Variants in ELL2 observed in about 807,000 individuals in gnomAD.
ELL2 encodes elongation factor for RNA polymerase II 2.
A neutral mutation model predicts 72.8 loss-of-function variants in ELL2; 21 were observed. That is an observed-to-expected ratio of 0.29 (90% confidence interval 0.20 to 0.42). The LOEUF (loss-of-function observed/expected upper bound fraction) is 0.42. Ranked by LOEUF, ELL2 falls within the 10% of genes least tolerant of loss-of-function variation. ELL2 has a pLI of 1.00. For synonymous variants in ELL2, 266 were observed against 283.2 expected (o/e 0.94, Z 0.61); for missense variants, 568 against 772.8 (o/e 0.73, Z 3.14).
At chr5:95,914,245 T>G (rs1001457342) in intron 3 of ELL2, among the ~76,000 whole-genome samples, 3 of 152,172 alleles carry the variant, frequency 2.0e-5, no homozygotes, top group Non-Finnish European at 4.4e-5. Context: ...TTTATTTAAC[T>G]GTTAACTATT....
intron 4 of ELL2, among the ~76,000 whole-genome samples, chr5:95,907,296 A>ATTTTTTTTTTTTTTT (rs1211663802): frequency 0.15 from 17,301 of 113,666 alleles, 1,803 homozygotes; most frequent in East Asian, 0.25. Context: ...ATATATATAT[A>ATTTTTTTTTTTTTTT]TTTTTTTTTT....
At position 95,950,921 on chromosome 5, in the gene ELL2, T is replaced by TATATGTATGTATGTAC. The variant is rs1421354769; in HGVS notation, c.148-7873_148-7872insGTACATACATACATAT. Among the ~76,000 whole-genome samples the TATATGTATGTATGTAC allele has an allele frequency of 3.8e-4, 40 of 104,334 alleles. 1 individual carries two copies. Among genetic ancestry groups the TATATGTATGTATGTAC allele is most frequent in the African/African-American group, 1.8e-3 (37 of 20,354 alleles). 68.4% of individuals were successfully genotyped at this position (104,334 alleles called of 152,430 possible). On this transcript the variant is annotated intron_variant, in intron 1 of 11. Transcript: ENST00000237853. ...ATGTATGTGTATATATATATATATA[T>TATATGTATGTATGTAC]ATATATATATATATATATATATATA... is the stretch of plus-strand genomic sequence containing the variant.
intron 3 of ELL2, among the ~76,000 whole-genome samples, chr5:95,915,331 G>A (rs997393326): frequency 6.6e-6 from 1 of 152,326 alleles, no homozygotes; most frequent in East Asian, 1.9e-4. Context: ...TTGATCTCTT[G>A]ACCTCATGAA....
intron 1 of ELL2, among the ~76,000 whole-genome samples, chr5:95,947,497 T>G (rs915923400): frequency 2.6e-5 from 4 of 152,208 alleles, no homozygotes; most frequent in African/African-American, 9.7e-5. Context: ...CAGAGCATTT[T>G]TATATCTATC....
chr5:95,891,340 TA>T (rs1748655712), intron 9 of ELL2, 66 bp from the exon 10 acceptor site: 6 of 1,479,790 alleles, frequency 4.1e-6, no homozygotes, highest in Non-Finnish European at 5.4e-6. Context: ...GTCTGAGATT[TA>T]AACCAAATAT....
chr5:95,939,047 A>G (rs552462428), intron 2 of ELL2, among the ~76,000 whole-genome samples: 6 of 152,312 alleles, frequency 3.9e-5, no homozygotes, highest in African/African-American at 1.4e-4. Flanking sequence ...TTTTATCTCA[A>G]TTATAACATA....
At chr5:95,934,752 C>T (rs1272570994) in intron 2 of ELL2, among the ~76,000 whole-genome samples, 4 of 152,094 alleles carry the variant, frequency 2.6e-5, no homozygotes, top group Non-Finnish European at 4.4e-5. Context: ...TTTTTTAAAC[C>T]TTTAATATCC....
At chr5:95,937,608 T>C (rs993478160) in intron 2 of ELL2, among the ~76,000 whole-genome samples, 1 of 152,160 alleles carries the variant, frequency 6.6e-6, no homozygotes, top group African/African-American at 2.4e-5. Flanking sequence ...CCTTAGTAAA[T>C]TAACAGGTGG....
chr5:95,913,923 G>A lies in ELL2; in HGVS notation c.329C>T (p.Ser110Phe), dbSNP rs374741189. ...TATAAATCCCAGGCAATTGAGCTGG[G>A]AGGCTCCAGAGCTGTCAAGTAAGTC... ...IQQTFSSSGASQLNCLGFIQD... is the reference protein window; with the variant it reads ...IQQTFSSSGAFQLNCLGFIQD... The change falls in exon 4 of 12, where the codon TCC (serine) becomes TTC (phenylalanine). Residue 110 changes from serine (S) to phenylalanine (F), a missense_variant. Physicochemically the swap from Ser to Phe is radical, Grantham distance 155 (BLOSUM62 -2). Coordinates refer to ENST00000237853, the MANE Select transcript of ELL2 (RefSeq NM_012081.6). 1 of 1,603,406 alleles carries A rather than the reference G, an allele frequency of 6.2e-7. No homozygotes were observed. The highest frequency in any genetic ancestry group is 8.5e-7 in the Non-Finnish European group (1 of 1,175,812).
chr5:95,901,071 G>C lies in ELL2; in HGVS notation c.751C>G (p.Leu251Val), dbSNP rs755351542. The change falls in exon 6 of 12, where the codon CTG (leucine) becomes GTG (valine). Residue 251 changes from leucine (L) to valine (V), a missense_variant. Coordinates refer to ENST00000237853, the MANE Select transcript of ELL2 (RefSeq NM_012081.6). Reference sequence around the variant, plus strand: ...GTATATGAGAGGTCCTTAGAATTCAGATTGGCTACCTAGTATGAGGTATAA... The same window carrying C: ...GTATATGAGAGGTCCTTAGAATTCACATTGGCTACCTAGTATGAGGTATAA... ...LGAILQQVAN[L>V]NSKDLSYTLK... 1.2e-6 allele frequency: 2 copies of C among 1,602,920 alleles called. No individual in the cohort carries two copies. Among genetic ancestry groups the C allele is most frequent in the Non-Finnish European group, 1.7e-6 (2 of 1,177,168 alleles).
intron 3 of ELL2, among the ~76,000 whole-genome samples, chr5:95,918,495 TA>T (rs1749916624): frequency 6.6e-6 from 1 of 152,296 alleles, no homozygotes; most frequent in East Asian, 1.9e-4. Context: ...AGGATAAAGG[TA>T]AAACTCTGTC....
At chr5:95,953,447 T>C (rs539825509) in intron 1 of ELL2, among the ~76,000 whole-genome samples, 1 of 152,342 alleles carries the variant, frequency 6.6e-6, no homozygotes, top group African/African-American at 2.4e-5. Flanking sequence ...AGCAATGATA[T>C]TAAATGTTAT....
chr5:95,944,979 C>A (rs963702757), intron 1 of ELL2, among the ~76,000 whole-genome samples: 1 of 152,180 alleles, frequency 6.6e-6, no homozygotes, highest in South Asian at 2.1e-4. Flanking sequence ...TCTGATCACA[C>A]CTTTCATTTC....
Position 95,898,819 on chromosome 5 carries a change from G to A in ELL2, c.955-9C>T. The A allele has an allele frequency of 2.0e-6, 3 of 1,478,424 alleles. No individual in the cohort carries two copies. The highest frequency in any genetic ancestry group is 2.7e-6 in the Non-Finnish European group (3 of 1,114,756). The allele number at this position is 1,478,424 out of a possible 1,614,324, so 91.6% of individuals were successfully genotyped here. ...GAATCCAAAAGCCGTTTCTAGGGGA[G>A]GGAAAAGGAGAAAAGTGAGCCAGTT... On this transcript the variant is annotated splice_polypyrimidine_tract_variant and intron_variant, in intron 7 of 11. Transcript: ENST00000237853.
In ELL2 at chr5:95,888,863, G is replaced by T. The variant is rs756951552; in HGVS notation, c.*8C>A. 39 of 1,570,570 alleles carry T rather than the reference G, an allele frequency of 2.5e-5. No homozygotes were observed. The highest frequency in any genetic ancestry group is 3.4e-5 in the Non-Finnish European group (39 of 1,158,050). ...AGTTTATTCACATCTTCTGGTCCAA[G>T]CAGAGTTCTAGGACCATGACTCTGC... On this transcript the variant is annotated 3_prime_UTR_variant, in exon 12 of 12. Transcript: ENST00000237853.
Position 95,927,717 on chromosome 5 carries a change from ATG to A in ELL2, c.196-8174_196-8173del, listed in dbSNP as rs1225037082. On this transcript the variant is annotated intron_variant, in intron 2 of 11. Transcript: ENST00000237853. ...TGTATATAGACATACACACACACATATGTGTGTATATAGACATACACACACAC... is the reference window on the plus strand; with the variant it reads ...TGTATATAGACATACACACACACATATGTGTATATAGACATACACACACAC... 1.2e-4 allele frequency among the ~76,000 whole-genome samples: 9 copies of A among 76,098 alleles called. 2 individuals are homozygous for A. The highest frequency in any genetic ancestry group is 1.3e-3 in the East Asian group (2 of 1,498). 49.9% of individuals were successfully genotyped at this position (76,098 alleles called of 152,430 possible).
chr5:95,943,143 A>C, intron 1 of ELL2, 94 bp from the exon 2 acceptor site: 1 of 1,031,500 alleles, frequency 9.7e-7, no homozygotes, highest in Non-Finnish European at 1.4e-6. Flanking sequence ...TATTTGGGCC[A>C]GGCACAGTGA....
Position 95,961,617 on chromosome 5 carries a change from G to T in ELL2, c.105C>A (p.Thr35=). The T allele has an allele frequency of 6.2e-7, 1 of 1,606,440 alleles. No individual in the cohort carries two copies. Among genetic ancestry groups the T allele is most frequent in the East Asian group, 2.3e-5 (1 of 43,852 alleles). Residue 35 remains threonine, a synonymous_variant, in exon 1 of 12, where the codon ACC becomes ACA. Transcript: ENST00000237853. ...TCTCGAGCGCCCGGATCGCCGTCTC[G>T]GTGAGCTTCACATGCAGTACGGTGA... ...DNITVLHVKL[T]ETAIRALETY...
At chr5:95,895,471 G>A (rs1748830644) in intron 9 of ELL2, among the ~76,000 whole-genome samples, 157 bp downstream of exon 9, 1 of 152,194 alleles carries the variant, frequency 6.6e-6, no homozygotes, top group African/African-American at 2.4e-5. Flanking sequence ...GTAGATTTGG[G>A]ATGAGCAGGC....
Sources: gnomAD v4.1 joint callset for allele counts (sites outside exome capture counted in the v4.1 genomes callset) on GRCh38, gnomAD v4.1.1 for gene constraint, MANE v1.5 for transcripts, NCBI Gene and HGNC (gene_info 2026-07-23, HGNC 2026-07-21) for gene names.